The following SERINC3 variants were observed in gnomAD, a reference collection of about 807,000 sequenced individuals.
SERINC3 encodes serine incorporator 3, also known as tumor differentially expressed protein 1.
In SERINC3, 22 loss-of-function variants were observed where a neutral mutation model predicts 52.1. The observed-to-expected ratio is 0.42, with a 90% CI of 0.30 to 0.60. The LOEUF (loss-of-function observed/expected upper bound fraction) is 0.60. Ranked by LOEUF, SERINC3 falls within the 20% of genes least tolerant of loss-of-function variation. The probability of loss-of-function intolerance (pLI) is 0.16; values close to 1 mark genes in which losing one functional copy is unlikely to be tolerated. For synonymous variants in SERINC3, 226 were observed against 212.7 expected (o/e 1.06, Z -0.54); for missense variants, 564 against 584.6 (o/e 0.96, Z 0.36).
At chr20:44,506,790 AC>A (rs1464451869) in intron 6 of SERINC3, 36 bp downstream of exon 6, 2 of 1,412,236 alleles carry the variant, frequency 1.4e-6, no homozygotes, top group Non-Finnish European at 1.9e-6. Flanking sequence ...AGAATTAAAA[AC>A]CTTTCACAGG....
At position 44,512,861 on chromosome 20, in the gene SERINC3, A is replaced by G; in HGVS notation, c.335T>C (p.Phe112Ser). ...SFAMAIFFFVFSLLMFKVKTS... is the reference protein window; with the variant it reads ...SFAMAIFFFVSSLLMFKVKTS... ...TTTTACTTTGAACATGAGCAGAGAA[A>G]AGACAAAGAAAAAGATGGCCATGGC... The change falls in exon 3 of 10, where the codon TTT becomes TCT. Residue 112 changes from phenylalanine to serine, a missense_variant. Physicochemically the swap from Phe to Ser is radical, Grantham distance 155. Transcript: ENST00000342374. 1 of 1,578,808 alleles carries G rather than the reference A, an allele frequency of 6.3e-7. No individual in the cohort carries two copies.
In SERINC3 at chr20:44,500,343, A is replaced by G; in HGVS notation, c.1375T>C (p.Trp459Arg). The change falls in exon 10 of 10, where the codon TGG (tryptophan) becomes CGG (arginine). Residue 459 changes from tryptophan to arginine, a missense_variant. By Grantham distance (101) the Trp-to-Arg change is moderately radical. Transcript: ENST00000342374. ...SSWVCLLLYVWTLVAPLVLTS... is the reference protein window; with the variant it reads ...SSWVCLLLYVRTLVAPLVLTS... ...AGGACAAGTGGAGCCACAAGGGTCC[A>G]GACGTAAAGCAGGAGGCAGACCCAG... is the stretch of plus-strand genomic sequence containing the variant. 1 of 1,610,430 alleles carries G rather than the reference A, an allele frequency of 6.2e-7. No homozygotes were observed. The highest frequency in any genetic ancestry group is 8.5e-7 in the Non-Finnish European group (1 of 1,178,544).
In SERINC3 at chr20:44,498,064, GC is replaced by G. The variant is rs1223073843; in HGVS notation, c.*2231del. 7.4e-6 allele frequency: 1 copy of G among 135,190 alleles called. No individual in the cohort carries two copies. Among genetic ancestry groups the G allele is most frequent in the African/African-American group, 3.1e-5 (1 of 32,238 alleles). 8.4% of individuals were successfully genotyped at this position (135,190 alleles called of 1,614,324 possible). On this transcript the variant is annotated 3_prime_UTR_variant, in exon 10 of 10. Coordinates refer to ENST00000342374, the MANE Select transcript of SERINC3 (RefSeq NM_006811.4). ...CAAATAATAGCTGACAAGTTTGATA[GC>G]CAGAAAACGGCAAAGCTGGGATGCA...
intron 1 of SERINC3, among the ~76,000 whole-genome samples, chr20:44,517,066 GT>G (rs2064385041): frequency 6.6e-6 from 1 of 152,076 alleles, no homozygotes; most frequent in East Asian, 1.9e-4. Flanking sequence ...ATTTTGTGTG[GT>G]TTGCAGCAGG....
chr20:44,521,716 G>A (rs1417817612), intron 1 of SERINC3, among the ~76,000 whole-genome samples, 197 bp downstream of exon 1: 1 of 152,234 alleles, frequency 6.6e-6, no homozygotes, highest in African/African-American at 2.4e-5. Context: ...TCCGTTCCCC[G>A]AGGAACCCGG....
At position 44,512,963 on chromosome 20, in the gene SERINC3, A is replaced by G; in HGVS notation, c.233T>C (p.Ile78Thr). The change falls in exon 3 of 10, where the codon ATC (isoleucine) becomes ACC (threonine). Residue 78 changes from isoleucine to threonine, a missense_variant. Physicochemically the swap from Ile to Thr is moderately conservative, Grantham distance 89 (BLOSUM62 -1). Coordinates refer to ENST00000342374, the MANE Select transcript of SERINC3 (RefSeq NM_006811.4). ...IPGFCEGGFK[I>T]HEADINADKD... The stretch of plus-strand genomic sequence containing the variant: ...ATCTGCATTTATATCAGCCTCATGG[A>G]TTTTAAATCCCCCTTCACAAAATCC... 1 of 1,508,478 alleles carries G rather than the reference A, an allele frequency of 6.6e-7. No individual in the cohort carries two copies. Among genetic ancestry groups the G allele is most frequent in the Non-Finnish European group, 8.8e-7 (1 of 1,137,278 alleles). The allele number at this position is 1,508,478 out of a possible 1,614,324, so 93.4% of individuals were successfully genotyped here.
Position 44,497,571 on chromosome 20 carries a change from A to G in SERINC3, c.*2725T>C, listed in dbSNP as rs2064255169. On this transcript the variant is annotated 3_prime_UTR_variant, in exon 10 of 10. Transcript: ENST00000342374. ...ATGTTTTTGAAGTTTAGGACCTTTA[A>G]AGCTCTTAAGCTGACTCCGCTACTG... 1 of 152,332 alleles carries G rather than the reference A, an allele frequency of 6.6e-6. No individual in the cohort carries two copies. The highest frequency in any genetic ancestry group is 2.4e-5 in the African/African-American group (1 of 41,438). 9.4% of individuals were successfully genotyped at this position (152,332 alleles called of 1,614,324 possible). A position where few individuals can be genotyped will look rare whatever the true frequency, so the allele number is the denominator to read the frequency against.
At chr20:44,501,406 G>A in intron 8 of SERINC3, 106 bp from the exon 9 acceptor site, 1 of 863,960 alleles carries the variant, frequency 1.2e-6, no homozygotes, top group Non-Finnish European at 1.8e-6. Flanking sequence ...TCCTACTTTG[G>A]AGACTGAAAG....
rs2064346505 is a variant in SERINC3, at chr20:44,511,344, G to C, written c.420C>G (p.Ala140=). Residue 140 remains alanine (A), a synonymous_variant, in exon 4 of 10, where the codon GCC becomes GCG. Coordinates refer to ENST00000342374, the MANE Select transcript of SERINC3 (RefSeq NM_006811.4). The part of the protein sequence containing the change: ...HNGFWFFKIA[A]LIGIMVGSFY... ...AAGAGCCAACCATGATTCCAATAAG[G>C]GCAGCAATTTTGAAGAACCAAAACC... 1.1e-5 allele frequency: 17 copies of C among 1,612,842 alleles called. No individual in the cohort carries two copies. The highest frequency in any genetic ancestry group is 1.4e-5 in the Non-Finnish European group (17 of 1,179,054).
intron 1 of SERINC3, among the ~76,000 whole-genome samples, chr20:44,514,810 T>G (rs2064369940): frequency 6.6e-6 from 1 of 151,946 alleles, no homozygotes; most frequent in Non-Finnish European, 1.5e-5. Context: ...ATGGAAACCC[T>G]CTGACAAATA....
chr20:44,505,490 T>C (rs1815523725), intron 6 of SERINC3, among the ~76,000 whole-genome samples: 1 of 151,844 alleles, frequency 6.6e-6, no homozygotes, highest in Non-Finnish European at 1.5e-5. Flanking sequence ...CCGGCTAATT[T>C]TTGTACTTTT....
At chr20:44,504,297 A>C (rs1336970430) in intron 7 of SERINC3, among the ~76,000 whole-genome samples, 1 of 152,240 alleles carries the variant, frequency 6.6e-6, no homozygotes, top group Non-Finnish European at 1.5e-5. Flanking sequence ...TAAGCACAGA[A>C]GTTTATCTCT....
At chr20:44,500,562 GT>G in intron 9 of SERINC3, 128 bp from the exon 10 acceptor site, 1 of 967,510 alleles carries the variant, frequency 1.0e-6, no homozygotes, top group Non-Finnish European at 1.6e-6. Context: ...CCCCAGTAGG[GT>G]TGAAGGGGAC....
At chr20:44,512,417 T>C (rs1159234887) in intron 3 of SERINC3, among the ~76,000 whole-genome samples, 2 of 151,130 alleles carry the variant, frequency 1.3e-5, no homozygotes, top group African/African-American at 2.4e-5. Flanking sequence ...CAGTAGCACA[T>C]ATATATTCAC....
intron 5 of SERINC3, 51 bp downstream of exon 5, chr20:44,509,840 A>T: frequency 6.3e-7 from 1 of 1,584,352 alleles, no homozygotes; most frequent in Non-Finnish European, 8.7e-7. Context: ...TTTATTGTAC[A>T]CCGTGCTTAA....
intron 1 of SERINC3, among the ~76,000 whole-genome samples, chr20:44,519,073 ATC>A (rs1163306139): frequency 6.6e-6 from 1 of 152,080 alleles, no homozygotes; most frequent in African/African-American, 2.4e-5. Flanking sequence ...ACTCTAAATA[ATC>A]TGTTTTGTCA....
At chr20:44,516,545 C>G (rs962062970) in intron 1 of SERINC3, among the ~76,000 whole-genome samples, 12 of 151,788 alleles carry the variant, frequency 7.9e-5, no homozygotes, top group Admixed American at 6.6e-5. Context: ...ATTACAGACA[C>G]GTGCCACCAT....
Position 44,513,964 on chromosome 20 carries a change from C to T in SERINC3, c.116G>A (p.Arg39His), listed in dbSNP as rs762719107. ...CPNSKNSTVT[R>H]LIYAFILLLS... ...GAGGAGAATGAAAGCATAAATGAGG[C>T]GAGTCACCGTGGAATTCTTACTGTT... is the stretch of plus-strand genomic sequence containing the variant. The change falls in exon 2 of 10, where the codon CGC (arginine) becomes CAC (histidine). Residue 39 changes from arginine (R) to histidine (H), a missense_variant. Coordinates refer to ENST00000342374, the MANE Select transcript of SERINC3 (RefSeq NM_006811.4). 2.8e-5 allele frequency: 45 copies of T among 1,613,936 alleles called. No individual in the cohort carries two copies. The highest frequency in any genetic ancestry group is 2.5e-4 in the Admixed American group (15 of 59,982).
chr20:44,509,124 A>G (rs1337131481), intron 5 of SERINC3, among the ~76,000 whole-genome samples: 1 of 152,234 alleles, frequency 6.6e-6, no homozygotes, highest in Non-Finnish European at 1.5e-5. Context: ...GTGCTCTAAC[A>G]TAGCCAAAAT....
Sources: gnomAD v4.1 joint callset for allele counts (sites outside exome capture counted in the v4.1 genomes callset) on GRCh38, gnomAD v4.1.1 for gene constraint, MANE v1.5 for transcripts, NCBI Gene and HGNC (gene_info 2026-07-23, HGNC 2026-07-21) for gene names.